POM121C: variants seen among roughly 807,000 people sequenced by gnomAD.
POM121C encodes POM121 transmembrane nucleoporin C.
A neutral mutation model predicts 66.4 loss-of-function variants in POM121C; 20 were observed. That is an observed-to-expected ratio of 0.30 (90% CI 0.21 to 0.44). The LOEUF (loss-of-function observed/expected upper bound fraction) is 0.44, where lower values mean the gene tolerates loss of function less well. Among genes scored for constraint, POM121C ranks in the 20% least tolerant of loss-of-function variants. The pLI is 1.00. For synonymous variants in POM121C, 286 were observed against 528.0 expected, an observed-to-expected ratio of 0.54 and a Z score of 6.28; for missense variants, 580 against 1,225.7, an observed-to-expected ratio of 0.47 and a Z score of 7.87.
At position 75,418,886 on chromosome 7, in the gene POM121C, C is replaced by T. The variant is rs782300846; in HGVS notation, c.2874G>A (p.Ala958=). Residue 958 remains alanine, a synonymous_variant, in exon 15 of 15, where the codon GCG becomes GCA. Transcript: ENST00000615331. ...GFVGVGPFGS[A]APSFSIGAGS... Reference sequence around the variant, plus strand: ...CCGCACCAATGGAAAATGAAGGGGCCGCCGATCCTGGAAAGATTCAACAAG... The same window carrying T: ...CCGCACCAATGGAAAATGAAGGGGCTGCCGATCCTGGAAAGATTCAACAAG... 6.2e-6 allele frequency: 10 copies of T among 1,610,446 alleles called. No homozygotes were observed. Among genetic ancestry groups the T allele is most frequent in the African/African-American group, 2.7e-5 (2 of 74,688 alleles).
chr7:75,432,644 G>C (rs1381014574), intron 7 of POM121C, among the ~76,000 whole-genome samples: 1 of 152,080 alleles, frequency 6.6e-6, no homozygotes, highest in Non-Finnish European at 1.5e-5. Context: ...TTATACTCTA[G>C]TAAAAAAGGC....
At chr7:75,476,739 T>C (rs1584716862) in intron 1 of POM121C, among the ~76,000 whole-genome samples, 1 of 151,874 alleles carries the variant, frequency 6.6e-6, no homozygotes, top group African/African-American at 2.4e-5. Flanking sequence ...CTTACATCAA[T>C]ACAAATACCC....
At chr7:75,442,250 G>T in intron 3 of POM121C, 6 of 1,427,286 alleles carry the variant, frequency 4.2e-6, no homozygotes, top group Non-Finnish European at 5.4e-6. Context: ...GCGCGGCGCC[G>T]GGCGGGCGGG....
In POM121C at chr7:75,421,863, A is replaced by C; in HGVS notation, c.2389T>G (p.Ser797Ala). ...GCACCGAAGGAGAAGACAGCAGTGGAGCCGCCAAAGGCGGGCTGTGAGCTG... is the reference window on the plus strand; with the variant it reads ...GCACCGAAGGAGAAGACAGCAGTGGCGCCGCCAAAGGCGGGCTGTGAGCTG... ...PASSQPAFGG[S>A]TAVFSFGAAT... The change falls in exon 13 of 15, where the codon TCC (serine) becomes GCC (alanine). Residue 797 changes from serine (S) to alanine (A), a missense_variant. Coordinates refer to ENST00000615331, the MANE Select transcript of POM121C (RefSeq NM_001099415.3). 6.2e-7 allele frequency: 1 copy of C among 1,611,230 alleles called. No individual in the cohort carries two copies. Among genetic ancestry groups the C allele is most frequent in the South Asian group, 1.1e-5 (1 of 91,010 alleles).
intron 3 of POM121C, among the ~76,000 whole-genome samples, chr7:75,470,054 C>A (rs71554668): frequency 2.0e-5 from 3 of 151,898 alleles, no homozygotes; most frequent in African/African-American, 7.3e-5. Flanking sequence ...GCAACCTTAG[C>A]CTCCCAGGTT....
intron 7 of POM121C, among the ~76,000 whole-genome samples, chr7:75,427,194 G>C (rs1408600671): frequency 1.3e-5 from 2 of 152,292 alleles, no homozygotes; most frequent in East Asian, 3.9e-4. Context: ...GGGAGGCCAA[G>C]GGGGGTGGAT....
chr7:75,473,313 G>A (rs1398803458), intron 3 of POM121C, among the ~76,000 whole-genome samples: 4 of 151,846 alleles, frequency 2.6e-5, no homozygotes, highest in Non-Finnish European at 5.9e-5. Flanking sequence ...GGGATACAAA[G>A]AAAACCAAAA....
At chr7:75,472,195 G>GT (rs1206064971) in intron 3 of POM121C, among the ~76,000 whole-genome samples, 1 of 150,952 alleles carries the variant, frequency 6.6e-6, no homozygotes, top group African/African-American at 2.4e-5. Flanking sequence ...CATGTTACGT[G>GT]TTTTTTTAAC....
intron 5 of POM121C, among the ~76,000 whole-genome samples, chr7:75,440,342 C>T (rs1176696772): frequency 1.3e-5 from 2 of 151,096 alleles, no homozygotes; most frequent in African/African-American, 4.9e-5. Flanking sequence ...CCAAGGTGGG[C>T]GGATCACGAG....
In POM121C at chr7:75,447,007, C is replaced by CAA. The variant is rs60389539; in HGVS notation, c.-151-5362_-151-5361dup. On this transcript the variant is annotated intron_variant, in intron 3 of 14. Transcript: ENST00000615331. Reference sequence around the variant, plus strand: ...TGGGCAACAGAGCGAGACTCCGTCTCAAAAAAAAAAAAAAAAAAAAAAAAA... The same window carrying CAA: ...TGGGCAACAGAGCGAGACTCCGTCTCAAAAAAAAAAAAAAAAAAAAAAAAAAA... 2.3e-3 allele frequency among the ~76,000 whole-genome samples: 123 copies of CAA among 53,534 alleles called. 11 individuals are homozygous for CAA. Among genetic ancestry groups the CAA allele is most frequent in the Admixed American group, 3.0e-3 (9 of 3,010 alleles). 35.1% of individuals were successfully genotyped at this position (53,534 alleles called of 152,430 possible).
At chr7:75,440,196 A>T (rs1790581280) in intron 5 of POM121C, among the ~76,000 whole-genome samples, 1 of 151,802 alleles carries the variant, frequency 6.6e-6, no homozygotes, top group Admixed American at 6.6e-5. Context: ...ATTGGTTTTA[A>T]TCTCATTATT....
At chr7:75,468,548 AC>A (rs1404496749) in intron 3 of POM121C, among the ~76,000 whole-genome samples, 2 of 151,840 alleles carry the variant, frequency 1.3e-5, no homozygotes, top group African/African-American at 4.8e-5. Context: ...CACACTCCCA[AC>A]CTCAGGTGAT....
chr7:75,431,417 A>C (rs1232688738), intron 7 of POM121C, among the ~76,000 whole-genome samples: 2 of 151,662 alleles, frequency 1.3e-5, no homozygotes, highest in African/African-American at 4.8e-5. Context: ...CAGCCTGACC[A>C]ACATGCAGAA....
intron 3 of POM121C, among the ~76,000 whole-genome samples, chr7:75,453,819 T>C (rs1554476006): frequency 2.6e-5 from 4 of 151,776 alleles, no homozygotes. Flanking sequence ...GCTGGAATCA[T>C]TTAGAGGCAT....
chr7:75,432,716 G>GAGAA (rs1329192573), intron 7 of POM121C, among the ~76,000 whole-genome samples: 1 of 152,152 alleles, frequency 6.6e-6, no homozygotes, highest in Non-Finnish European at 1.5e-5. Flanking sequence ...ATGGATAAAA[G>GAGAA]AGAAAAGAAG....
intron 7 of POM121C, among the ~76,000 whole-genome samples, chr7:75,430,146 TTG>T (rs1425654961): frequency 2.0e-5 from 3 of 152,216 alleles, no homozygotes; most frequent in Non-Finnish European, 4.4e-5. Flanking sequence ...AAACTTTTTT[TTG>T]TGTGTGTGGA....
At chr7:75,463,943 C>T (rs587646336) in intron 3 of POM121C, among the ~76,000 whole-genome samples, 64 of 149,974 alleles carry the variant, frequency 4.3e-4, no homozygotes, top group African/African-American at 1.4e-3. Context: ...CTGCCCACCT[C>T]GGCCTCCCAA....
intron 1 of POM121C, among the ~76,000 whole-genome samples, chr7:75,481,036 TATATATATATAA>T (rs1792288666): frequency 6.8e-6 from 1 of 147,784 alleles, no homozygotes; most frequent in African/African-American, 2.5e-5. Context: ...AAAAAATATA[TATATATATATAA>T]ATATATATAT....
chr7:75,437,593 G>T lies in POM121C; in HGVS notation c.402C>A (p.Gly134=). 1 of 1,613,938 alleles carries T rather than the reference G, an allele frequency of 6.2e-7. No individual in the cohort carries two copies. The highest frequency in any genetic ancestry group is 8.5e-7 in the Non-Finnish European group (1 of 1,179,860). ...AGCTAGGGATGCCACTTGTGTAAGC[G>T]CCTGTCAAGGAGCTCATGGAAGAGC... ...SRSSSMSSLT[G]AYTSGIPSSS... Residue 134 remains glycine (G), a synonymous_variant, in exon 7 of 15, where the codon GGC becomes GGA. Coordinates refer to ENST00000615331, the MANE Select transcript of POM121C (RefSeq NM_001099415.3).
Sources: allele counts gnomAD v4.1 joint callset (sites outside exome capture counted in the v4.1 genomes callset), GRCh38; gene constraint gnomAD v4.1.1; transcripts MANE v1.5; gene names NCBI Gene and HGNC (gene_info 2026-07-23, HGNC 2026-07-21).